WTIP: variants seen among roughly 807,000 people sequenced by gnomAD.
The protein encoded by WTIP is WT1 interacting protein.
A neutral mutation model predicts 41.7 loss-of-function variants in WTIP; 23 were observed. The ratio of observed to expected loss-of-function variants is 0.55; its 90% CI spans 0.40 to 0.78. WTIP has a LOEUF of 0.78. Ranked by LOEUF, WTIP falls within the 30% of genes least tolerant of loss-of-function variation. The pLI is 0.00. For synonymous variants in WTIP, 314 were observed against 269.9 expected (o/e 1.16, Z -1.60); for missense variants, 619 against 610.5 (o/e 1.01, Z -0.15).
intron 7 of WTIP, 125 bp from the exon 8 acceptor site, chr19:34,500,004 G>A: frequency 7.3e-7 from 1 of 1,371,126 alleles, no homozygotes; most frequent in South Asian, 1.4e-5. Flanking sequence ...CCCGGCGGAA[G>A]AGTCTTCATG....
At chr19:34,488,933 C>T (rs928080089) in intron 1 of WTIP, among the ~76,000 whole-genome samples, 9 of 147,684 alleles carry the variant, frequency 6.1e-5, no homozygotes, top group Admixed American at 3.4e-4. Flanking sequence ...AGCAGTGGCT[C>T]ACACCTGTAA....
chr19:34,494,746 G>A, intron 6 of WTIP, 109 bp downstream of exon 6: 1 of 1,114,300 alleles, frequency 9.0e-7, no homozygotes, highest in Non-Finnish European at 1.3e-6. Flanking sequence ...GGATGAGCAG[G>A]TGCTTCTCCG....
Position 34,482,615 on chromosome 19 carries a change from A to G in WTIP, c.641A>G (p.Glu214Gly). The change falls in exon 1 of 8, where the codon GAG (glutamate) becomes GGG (glycine). Residue 214 changes from glutamate (E) to glycine (G), a missense_variant. Coordinates refer to ENST00000590071, the MANE Select transcript of WTIP (RefSeq NM_001080436.2). The part of the protein sequence containing the change: ...ALTRELERAL[E>G]ARTARDYFGI... ...ACCCGGGAGCTGGAGCGGGCGCTCG[A>G]GGCGCGCACGGCGCGGGACTACTTC... 1 of 1,229,644 alleles carries G rather than the reference A, an allele frequency of 8.1e-7. No homozygotes were observed. The highest frequency in any genetic ancestry group is 1.6e-5 in the African/African-American group (1 of 64,246). 76.2% of individuals were successfully genotyped at this position (1,229,644 alleles called of 1,614,324 possible).
chr19:34,511,930 A>G lies in WTIP; in HGVS notation c.*11661A>G, dbSNP rs1599978055. 1 of 152,338 alleles carries G rather than the reference A, an allele frequency of 6.6e-6. No individual in the cohort carries two copies. The highest frequency in any genetic ancestry group is 2.4e-5 in the African/African-American group (1 of 41,584). 9.4% of individuals were successfully genotyped at this position (152,338 alleles called of 1,614,324 possible). ...AATACTTGCTAGAATTCTGATTTGA[A>G]GTGCTTTCAAATTCTGTGTTAATTT... On this transcript the variant is annotated 3_prime_UTR_variant, in exon 8 of 8. Transcript: ENST00000590071.
intron 1 of WTIP, among the ~76,000 whole-genome samples, chr19:34,485,038 A>G (rs1390772901): frequency 1.3e-5 from 2 of 151,984 alleles, no homozygotes; most frequent in African/African-American, 2.4e-5. Context: ...TTCAAGAAAA[A>G]CTAGAAATTG....
intron 1 of WTIP, among the ~76,000 whole-genome samples, chr19:34,484,702 G>T (rs558460208): frequency 1.3e-5 from 2 of 152,098 alleles, no homozygotes; most frequent in Non-Finnish European, 1.5e-5. Flanking sequence ...TATAGGGGTG[G>T]CTGAGGTCCC....
At chr19:34,497,907 C>T (rs943955045) in intron 7 of WTIP, among the ~76,000 whole-genome samples, 5 of 152,302 alleles carry the variant, frequency 3.3e-5, no homozygotes, top group South Asian at 2.1e-4. Flanking sequence ...TGTCCAGTAC[C>T]GAGGGCAGCA....
chr19:34,491,050 A>G (rs565129009), intron 2 of WTIP, among the ~76,000 whole-genome samples: 1 of 150,862 alleles, frequency 6.6e-6, no homozygotes, highest in East Asian at 2.0e-4. Flanking sequence ...CTGGTCTCAA[A>G]CTCTTGAGCT....
At chr19:34,489,386 G>A (rs1035847620) in intron 1 of WTIP, among the ~76,000 whole-genome samples, 55 of 151,942 alleles carry the variant, frequency 3.6e-4, no homozygotes, top group African/African-American at 1.3e-3. Context: ...TGTGCTGACT[G>A]ACCAAGAGAA....
intron 1 of WTIP, 119 bp from the exon 2 acceptor site, chr19:34,490,257 G>T: frequency 2.3e-6 from 2 of 852,134 alleles, no homozygotes; most frequent in Non-Finnish European, 1.9e-6. Context: ...AGTGATGTTG[G>T]CCTAGGAAAG....
chr19:34,486,558 A>G (rs555680131), intron 1 of WTIP, among the ~76,000 whole-genome samples: 51 of 152,014 alleles, frequency 3.4e-4, no homozygotes, highest in Admixed American at 4.6e-4. Context: ...TGGTAGAGAC[A>G]GGGTTTCACT....
At chr19:34,487,073 C>T (rs1321126576) in intron 1 of WTIP, among the ~76,000 whole-genome samples, 1 of 149,974 alleles carries the variant, frequency 6.7e-6, no homozygotes, top group African/African-American at 2.5e-5. Flanking sequence ...AGATTACAGG[C>T]ATGAGCCACC....
rs1486447603 is a variant in WTIP at position 34,506,833 on chromosome 19, C to T, written c.*6564C>T. 1 of 152,022 alleles carries T rather than the reference C, an allele frequency of 6.6e-6. No homozygotes were observed. The highest frequency in any genetic ancestry group is 2.4e-5 in the African/African-American group (1 of 41,456). 9.4% of individuals were successfully genotyped at this position (152,022 alleles called of 1,614,324 possible). ...AAAACTGGTTAAAAATTGAGTCTCCCTGAAGTAGGTGCTCTTTCCCGTGAA... is the reference window on the plus strand; with the variant it reads ...AAAACTGGTTAAAAATTGAGTCTCCTTGAAGTAGGTGCTCTTTCCCGTGAA... On this transcript the variant is annotated 3_prime_UTR_variant, in exon 8 of 8. Transcript: ENST00000590071.
At position 34,482,373 on chromosome 19, in the gene WTIP, G is replaced by A. The variant is rs2075772167; in HGVS notation, c.399G>A (p.Gly133=). 3 of 1,373,842 alleles carry A rather than the reference G, an allele frequency of 2.2e-6. No individual in the cohort carries two copies. Among genetic ancestry groups the A allele is most frequent in the Non-Finnish European group, 2.8e-6 (3 of 1,060,790 alleles). The allele number at this position is 1,373,842 out of a possible 1,614,324, so 85.1% of individuals were successfully genotyped here. The change falls in exon 1 of 8, where the codon GGG becomes GGA. Residue 133 remains glycine, a synonymous_variant. Transcript: ENST00000590071. ...SGRSDPRPGP[G]PPSVGSARSS... ...GCTCGGACCCGCGTCCCGGTCCCGG[G>A]CCGCCTTCGGTGGGCAGCGCCCGCT...
intron 2 of WTIP, among the ~76,000 whole-genome samples, chr19:34,490,981 G>A (rs1027535339): frequency 2.0e-5 from 3 of 150,396 alleles, no homozygotes; most frequent in Non-Finnish European, 3.0e-5. Context: ...GTGCCACCAC[G>A]CTCGGCTAAT....
chr19:34,482,482 C>G lies in WTIP; in HGVS notation c.508C>G (p.Arg170Gly). The part of the protein sequence containing the change: ...LPPGACPAPA[R>G]SPEPAGPAPF... ...GCCCGGCGCCTGCCCCGCGCCCGCT[C>G]GCTCCCCGGAGCCTGCGGGGCCGGC... The change falls in exon 1 of 8, where the codon CGC (arginine) becomes GGC (glycine). Residue 170 changes from arginine (R) to glycine (G), a missense_variant. Physicochemically the swap from Arg to Gly is moderately radical, Grantham distance 125 (BLOSUM62 -2). Around this residue, in one of 3 missense-constraint regions of WTIP, gnomAD observed 363 missense variants for 309.0 expected, o/e 1.17. Transcript: ENST00000590071. 8.0e-7 allele frequency: 1 copy of G among 1,250,668 alleles called. No individual in the cohort carries two copies. The highest frequency in any genetic ancestry group is 1.0e-6 in the Non-Finnish European group (1 of 1,001,532). The allele number at this position is 1,250,668 out of a possible 1,614,324, so 77.5% of individuals were successfully genotyped here. A position where few individuals can be genotyped will look rare whatever the true frequency, so the allele number is the denominator to read the frequency against.
At position 34,509,752 on chromosome 19, in the gene WTIP, T is replaced by C. The variant is rs1289886145; in HGVS notation, c.*9483T>C. 1 of 152,176 alleles carries C rather than the reference T, an allele frequency of 6.6e-6. No homozygotes were observed. Among genetic ancestry groups the C allele is most frequent in the African/African-American group, 2.4e-5 (1 of 41,420 alleles). The allele number at this position is 152,176 out of a possible 1,614,324, so 9.4% of individuals were successfully genotyped here. ...AAAAGCAAGTTAGTTACTTCCTAGATACAATGGGGGTACAGGTATTGGGTG... is the reference window on the plus strand; with the variant it reads ...AAAAGCAAGTTAGTTACTTCCTAGACACAATGGGGGTACAGGTATTGGGTG... On this transcript the variant is annotated 3_prime_UTR_variant, in exon 8 of 8. Transcript: ENST00000590071.
At chr19:34,485,045 A>C (rs1370836663) in intron 1 of WTIP, among the ~76,000 whole-genome samples, 2 of 151,960 alleles carry the variant, frequency 1.3e-5, no homozygotes, top group Non-Finnish European at 2.9e-5. Flanking sequence ...AAAACTAGAA[A>C]TTGAGATTCA....
In WTIP at chr19:34,481,917, C is replaced by G; in HGVS notation, c.-58C>G. ...CGGGCGGACGATGCGGCGGCCCGGC[C>G]GGAGCGGCGGCGGGAAGCGGAGGCG... On this transcript the variant is annotated 5_prime_UTR_variant, in exon 1 of 8. Coordinates refer to ENST00000590071, the MANE Select transcript of WTIP (RefSeq NM_001080436.2). 2.6e-5 allele frequency: 25 copies of G among 959,604 alleles called. No homozygotes were observed. The highest frequency in any genetic ancestry group is 3.1e-5 in the Non-Finnish European group (25 of 807,208). The allele number at this position is 959,604 out of a possible 1,614,324, so 59.4% of individuals were successfully genotyped here.
Sources: gnomAD v4.1 joint callset for allele counts (sites outside exome capture counted in the v4.1 genomes callset) on GRCh38, gnomAD v4.1.1 for gene constraint, gnomAD v4.1.1 regional missense constraint, MANE v1.5 for transcripts, NCBI Gene and HGNC (gene_info 2026-07-23, HGNC 2026-07-21) for gene names.